Variants in HDAC9 observed in about 807,000 individuals in gnomAD.
The protein encoded by HDAC9 is MEF-2 interacting transcription repressor (MITR) protein.
A neutral mutation model predicts 139.4 loss-of-function variants in HDAC9; 41 were observed. The ratio of observed to expected loss-of-function variants is 0.29; its 90% confidence interval spans 0.23 to 0.38. HDAC9 has a LOEUF of 0.38. Among genes scored for constraint, HDAC9 ranks in the 10% least tolerant of loss-of-function variants. HDAC9 has a pLI of 1.00. For missense variants in HDAC9, 1,147 were observed against 1,297.0 expected (o/e 0.88, Z 1.78); for synonymous variants, 517 against 476.2 (o/e 1.09, Z -1.12).
At chr7:18,750,424 C>T (rs1274111869) in intron 14 of HDAC9, among the ~76,000 whole-genome samples, 1 of 152,080 alleles carries the variant, frequency 6.6e-6, no homozygotes, top group East Asian at 1.9e-4. Flanking sequence ...GATTTAGTCT[C>T]ACAAGTTTTA....
At chr7:18,994,340 G>T (rs1345192270) in intron 25 of HDAC9, among the ~76,000 whole-genome samples, 1 of 152,134 alleles carries the variant, frequency 6.6e-6, no homozygotes, top group Non-Finnish European at 1.5e-5. Flanking sequence ...ATTTATGTAT[G>T]AATTAGTTTC....
At chr7:18,702,176 ATCTT>A (rs1783546905) in intron 12 of HDAC9, among the ~76,000 whole-genome samples, 1 of 152,076 alleles carries the variant, frequency 6.6e-6, no homozygotes, top group Non-Finnish European at 1.5e-5. Flanking sequence ...TGCCAGACCC[ATCTT>A]TCTATGGTTG....
At chr7:18,195,107 A>T (rs1242623523) in intron 2 of HDAC9, among the ~76,000 whole-genome samples, 1 of 152,116 alleles carries the variant, frequency 6.6e-6, no homozygotes, top group Non-Finnish European at 1.5e-5. Context: ...GGAACTGAAA[A>T]CTTATTCTCT....
intron 25 of HDAC9, among the ~76,000 whole-genome samples, chr7:18,979,834 A>G (rs900928055): frequency 6.6e-6 from 1 of 152,156 alleles, no homozygotes; most frequent in African/African-American, 2.4e-5. Flanking sequence ...GCAAGAGCTT[A>G]CTTATCACCA....
intron 6 of HDAC9, among the ~76,000 whole-genome samples, chr7:18,610,566 C>G (rs1483365889): frequency 6.6e-6 from 1 of 152,180 alleles, no homozygotes; most frequent in East Asian, 1.9e-4. Flanking sequence ...TGCAGTTTAC[C>G]TCTCAAATAA....
chr7:18,225,426 T>A (rs552127978), intron 2 of HDAC9, among the ~76,000 whole-genome samples: 153 of 152,322 alleles, frequency 1.0e-3, no homozygotes, highest in African/African-American at 3.5e-3. Context: ...TTTATAATTC[T>A]TTTTGGAATG....
At chr7:18,219,779 A>G (rs1252472490) in intron 2 of HDAC9, among the ~76,000 whole-genome samples, 4 of 152,212 alleles carry the variant, frequency 2.6e-5, no homozygotes, top group Admixed American at 1.3e-4. Context: ...GGTTTTTGAT[A>G]TTTTCATAAT....
intron 25 of HDAC9, among the ~76,000 whole-genome samples, chr7:18,982,729 C>A (rs142281496): frequency 1.5e-3 from 230 of 152,234 alleles, no homozygotes; most frequent in African/African-American, 5.4e-3. Flanking sequence ...TGGAATCATG[C>A]GTGTGTACTG....
intron 2 of HDAC9, among the ~76,000 whole-genome samples, chr7:18,508,498 C>T (rs1187169640): frequency 6.6e-6 from 1 of 152,078 alleles, no homozygotes; most frequent in Non-Finnish European, 1.5e-5. Flanking sequence ...TCATAGAGAT[C>T]GTGAACCAAG....
intron 22 of HDAC9, among the ~76,000 whole-genome samples, chr7:18,902,560 C>T (rs1801827689): frequency 6.6e-6 from 1 of 152,118 alleles, no homozygotes; most frequent in Non-Finnish European, 1.5e-5. Context: ...GTTTTGAGAA[C>T]CCCCTCTAAC....
intron 1 of HDAC9, among the ~76,000 whole-genome samples, chr7:18,088,780 C>T (rs1028030100): frequency 6.6e-6 from 1 of 152,048 alleles, no homozygotes; most frequent in Admixed American, 6.6e-5. Context: ...AATTTAATTC[C>T]CCAAACATCA....
chr7:18,178,339 G>T (rs1445166294), intron 2 of HDAC9, among the ~76,000 whole-genome samples: 2 of 152,150 alleles, frequency 1.3e-5, no homozygotes, highest in Non-Finnish European at 2.9e-5. Flanking sequence ...CATGCCTTGG[G>T]CTCCCAAAGT....
At chr7:18,919,786 A>T (rs183521340) in intron 22 of HDAC9, among the ~76,000 whole-genome samples, 174 of 152,148 alleles carry the variant, frequency 1.1e-3, no homozygotes, top group African/African-American at 3.9e-3. Context: ...TTGTTTTGGT[A>T]TGCTTAAGTT....
chr7:18,126,408 A>G (rs1454736015), intron 1 of HDAC9, among the ~76,000 whole-genome samples: 1 of 152,136 alleles, frequency 6.6e-6, no homozygotes, highest in Non-Finnish European at 1.5e-5. Context: ...GGATAGCTGT[A>G]TATTACTGTT....
chr7:18,624,613 G>C (rs1222558520), intron 6 of HDAC9, among the ~76,000 whole-genome samples: 1 of 151,916 alleles, frequency 6.6e-6, no homozygotes, highest in African/African-American at 2.4e-5. Context: ...TCTTTTTCTG[G>C]GCTCTGAGGA....
intron 25 of HDAC9, among the ~76,000 whole-genome samples, chr7:18,978,205 A>G (rs1784673770): frequency 6.6e-6 from 1 of 152,182 alleles, no homozygotes; most frequent in Admixed American, 6.6e-5. Context: ...TTTATAGGAA[A>G]TTCTTGCCAG....
intron 16 of HDAC9, among the ~76,000 whole-genome samples, chr7:18,790,010 A>C (rs1243424384): frequency 6.6e-6 from 1 of 152,170 alleles, no homozygotes; most frequent in Non-Finnish European, 1.5e-5. Flanking sequence ...AGAATATTGG[A>C]AAGTGGATAT....
rs374621962 is a variant in HDAC9, at chr7:18,835,454, C to A, written c.2467-13C>A. 4.9e-5 allele frequency: 79 copies of A among 1,606,844 alleles called. No individual in the cohort carries two copies. In the Middle Eastern group the frequency reaches 6.7e-4, roughly 14 times the overall value. On this transcript the variant is annotated splice_polypyrimidine_tract_variant and intron_variant, in intron 19 of 25. Transcript: ENST00000686413. The stretch of plus-strand genomic sequence containing the variant: ...CATGACTGTATTTGTCGTCTGTTTT[C>A]ATTTCCCTGTAGGATGTTCACCATG...
At chr7:18,260,281 G>A (rs1033971050) in intron 2 of HDAC9, among the ~76,000 whole-genome samples, 9 of 150,998 alleles carry the variant, frequency 6.0e-5, no homozygotes, top group Admixed American at 4.0e-4. Context: ...CATTTACGGG[G>A]TGCTAATTCT....
Sources: allele counts gnomAD v4.1 joint callset (sites outside exome capture counted in the v4.1 genomes callset), GRCh38; gene constraint gnomAD v4.1.1; transcripts MANE v1.5; gene names NCBI Gene and HGNC (gene_info 2026-07-23, HGNC 2026-07-21).